KIF5C: variants seen among roughly 807,000 people sequenced by gnomAD.
KIF5C encodes kinesin family member 5C, also known as kinesin heavy chain isoform 5C.
KIF5C carries 18 observed loss-of-function variants against 125.2 expected under a neutral mutation model. That is an observed-to-expected ratio of 0.14 (90% CI 0.10 to 0.21). The LOEUF (loss-of-function observed/expected upper bound fraction) is 0.21. KIF5C is among the 10% of genes least tolerant of loss of function. The pLI, the probability that KIF5C is intolerant of heterozygous loss-of-function variation, is 1.00. For synonymous variants in KIF5C, 405 were observed against 434.0 expected (o/e 0.93, Z 0.83); for missense variants, 780 against 1,183.8 (o/e 0.66, Z 5.01).
chr2:148,985,541 G>A (rs1681357808), intron 15 of KIF5C, among the ~76,000 whole-genome samples: 1 of 152,136 alleles, frequency 6.6e-6, no homozygotes, highest in Admixed American at 6.5e-5. Context: ...TAATAATACA[G>A]CATCTTATAC....
intron 1 of KIF5C, among the ~76,000 whole-genome samples, chr2:148,907,922 G>A (rs1487531601): frequency 3.9e-5 from 6 of 152,214 alleles, no homozygotes; most frequent in African/African-American, 7.2e-5. Context: ...CAGTCATTGG[G>A]GTCATCTGGA....
chr2:148,984,489 T>C (rs1387977348), intron 15 of KIF5C, among the ~76,000 whole-genome samples: 2 of 152,194 alleles, frequency 1.3e-5, no homozygotes, highest in Non-Finnish European at 2.9e-5. Context: ...CTTTTCATAA[T>C]CCAGAGGATT....
At position 149,024,515 on chromosome 2, in the gene KIF5C, A is replaced by AGTGTGTGTGTGTGTGTGT. The variant is rs10577971; in HGVS notation, c.*1474_*1491dup. 2.3e-5 allele frequency: 3 copies of AGTGTGTGTGTGTGTGTGT among 128,716 alleles called. No individual in the cohort carries two copies. The highest frequency in any genetic ancestry group is 7.7e-5 in the Admixed American group (1 of 12,916). 8.0% of individuals were successfully genotyped at this position (128,716 alleles called of 1,614,324 possible). Reference sequence around the variant, plus strand: ...GACTGTGTGGGTCGAAGGTAGCTCAAGTGTGTGTGTGTGTGTGTGTGTGTG... The same window carrying AGTGTGTGTGTGTGTGTGT: ...GACTGTGTGGGTCGAAGGTAGCTCAAGTGTGTGTGTGTGTGTGTGTGTGTGTGTGTGTGTGTGTGTGTG... On this transcript the variant is annotated 3_prime_UTR_variant, in exon 26 of 26. Transcript: ENST00000435030.
intron 1 of KIF5C, among the ~76,000 whole-genome samples, chr2:148,892,783 T>TA (rs1681744277): frequency 6.6e-6 from 1 of 152,222 alleles, no homozygotes; most frequent in Admixed American, 6.5e-5. Flanking sequence ...TTCTCTGTCT[T>TA]AAAAATGGAG....
chr2:149,003,335 C>T (rs1463666981), intron 21 of KIF5C, among the ~76,000 whole-genome samples: 1 of 152,236 alleles, frequency 6.6e-6, no homozygotes, highest in Non-Finnish European at 1.5e-5. Context: ...GGGTGAATGC[C>T]CGGGAAGCCC....
At chr2:148,891,015 T>C (rs187883776) in intron 1 of KIF5C, among the ~76,000 whole-genome samples, 1 of 152,350 alleles carries the variant, frequency 6.6e-6, no homozygotes, top group African/African-American at 2.4e-5. Flanking sequence ...TTAAGCCACA[T>C]TTTAAAAGTA....
intron 19 of KIF5C, among the ~76,000 whole-genome samples, chr2:148,999,496 A>T (rs1033249096): frequency 1.3e-5 from 2 of 152,226 alleles, no homozygotes; most frequent in African/African-American, 2.4e-5. Context: ...AAAAGTCTAA[A>T]TGGTGTGACC....
At chr2:148,947,791 G>A (rs1425319306) in intron 8 of KIF5C, 2 of 428,942 alleles carry the variant, frequency 4.7e-6, no homozygotes, top group Admixed American at 2.4e-5. Flanking sequence ...ATAGAGCAAG[G>A]CCATGTGCAC....
At position 148,875,575 on chromosome 2, in the gene KIF5C, G is replaced by GCCCCCCCCCCCCTCCCCCTGGCCC; in HGVS notation, c.-37_-36insCCCCCCTCCCCCTGGCCCCCCCCC. Reference sequence around the variant, plus strand: ...TCCTCCCTCGTCGTTCCCGGCCCCGGCCCCCCACCCATCCCCGTGCCCCCT... The same window carrying GCCCCCCCCCCCCTCCCCCTGGCCC: ...TCCTCCCTCGTCGTTCCCGGCCCCGGCCCCCCCCCCCCTCCCCCTGGCCCCCCCCCACCCATCCCCGTGCCCCCT... On this transcript the variant is annotated 5_prime_UTR_variant, in exon 1 of 26. Transcript: ENST00000435030. The GCCCCCCCCCCCCTCCCCCTGGCCC allele has an allele frequency of 1.4e-6, 1 of 699,606 alleles. No homozygotes were observed. The allele number at this position is 699,606 out of a possible 1,614,324, so 43.3% of individuals were successfully genotyped here. A position where few individuals can be genotyped will look rare whatever the true frequency, so the allele number is the denominator to read the frequency against.
intron 3 of KIF5C, among the ~76,000 whole-genome samples, chr2:148,931,800 A>T (rs953236415): frequency 6.6e-6 from 1 of 152,208 alleles, no homozygotes; most frequent in African/African-American, 2.4e-5. Context: ...ACCAGTGAGG[A>T]CTCATGGGGG....
intron 2 of KIF5C, among the ~76,000 whole-genome samples, chr2:148,922,887 A>G (rs1245379877): frequency 6.6e-6 from 1 of 152,214 alleles, no homozygotes; most frequent in African/African-American, 2.4e-5. Context: ...TTTCTCTAGG[A>G]CTGGCATTGG....
chr2:148,979,805 A>G (rs182502108), intron 13 of KIF5C, among the ~76,000 whole-genome samples: 1 of 152,290 alleles, frequency 6.6e-6, no homozygotes, highest in African/African-American at 2.4e-5. Flanking sequence ...AAGGAGGCAA[A>G]TTGTTTTCAG....
At chr2:148,932,778 A>G (rs947737652) in intron 3 of KIF5C, among the ~76,000 whole-genome samples, 4 of 152,122 alleles carry the variant, frequency 2.6e-5, no homozygotes, top group Non-Finnish European at 5.9e-5. Context: ...AGTGATTTTG[A>G]ACTAATCTGT....
chr2:148,961,363 G>T (rs895175826), intron 10 of KIF5C, among the ~76,000 whole-genome samples: 5 of 152,154 alleles, frequency 3.3e-5, no homozygotes, highest in African/African-American at 7.2e-5. Flanking sequence ...TCAGCTGTGG[G>T]ACCCACCTGA....
At chr2:148,928,536 C>T (rs1485277736) in intron 2 of KIF5C, among the ~76,000 whole-genome samples, 1 of 152,172 alleles carries the variant, frequency 6.6e-6, no homozygotes, top group Non-Finnish European at 1.5e-5. Context: ...CAGCCTCCAC[C>T]CTCGAGCCTC....
At chr2:148,920,681 C>T (rs906667805) in intron 1 of KIF5C, among the ~76,000 whole-genome samples, 9 of 152,210 alleles carry the variant, frequency 5.9e-5, no homozygotes, top group African/African-American at 2.2e-4. Flanking sequence ...AGGATTTTAT[C>T]TCCAGTTCAG....
At chr2:148,899,702 C>CAAAAAAAAAAAAA (rs771196518) in intron 1 of KIF5C, among the ~76,000 whole-genome samples, 2 of 46,072 alleles carry the variant, frequency 4.3e-5, no homozygotes, top group Non-Finnish European at 9.4e-5. Context: ...AACTCCATCT[C>CAAAAAAAAAAAAA]AAAAAAAAAA....
intron 18 of KIF5C, chr2:148,997,970 G>A (rs1681729397): frequency 5.5e-6 from 1 of 181,532 alleles, no homozygotes; most frequent in African/African-American, 2.4e-5. Flanking sequence ...GTCTCCTTTG[G>A]ACATCATCAT....
chr2:148,982,884 G>C (rs1456259493), intron 14 of KIF5C, among the ~76,000 whole-genome samples: 1 of 152,150 alleles, frequency 6.6e-6, no homozygotes, highest in Non-Finnish European at 1.5e-5. Flanking sequence ...GCTGCATATG[G>C]GAGAATTGTA....
Sources: gnomAD v4.1 joint callset for allele counts (sites outside exome capture counted in the v4.1 genomes callset) on GRCh38, gnomAD v4.1.1 for gene constraint, MANE v1.5 for transcripts, NCBI Gene and HGNC (gene_info 2026-07-23, HGNC 2026-07-21) for gene names.